The following TIAM2 variants were observed in gnomAD, a reference collection of about 807,000 sequenced individuals.
TIAM2 encodes the protein TIAM Rac1 associated GEF 2.
TIAM2 carries 80 observed loss-of-function variants against 152.9 expected under a neutral mutation model. That is an observed-to-expected ratio of 0.52 (90% CI 0.44 to 0.63). TIAM2 has a LOEUF of 0.63. Among genes scored for constraint, TIAM2 ranks in the 30% least tolerant of loss-of-function variants. The pLI is 0.00. For missense variants in TIAM2, 1,965 were observed against 2,120.1 expected (o/e 0.93, Z 1.44); for synonymous variants, 804 against 838.0 (o/e 0.96, Z 0.70).
At position 155,129,339 on chromosome 6, in the gene TIAM2, A is replaced by G; in HGVS notation, c.116A>G (p.Glu39Gly). The change falls in exon 4 of 27, where the codon GAG becomes GGG. Residue 39 changes from glutamate to glycine, a missense_variant. Physicochemically the swap from Glu to Gly is moderately conservative, Grantham distance 98. Coordinates refer to ENST00000682666, the MANE Select transcript of TIAM2 (RefSeq NM_012454.4). This position sits in a 1 kb window ranked among gnomAD's most constrained non-coding sequence, Gnocchi z 4.8. ...SLKIRGIHAKEEKSLHGWGHG... is the reference protein window; with the variant it reads ...SLKIRGIHAKGEKSLHGWGHG... ...AAAATACGTGGCATTCATGCAAAAG[A>G]GGAAAAGTCATTGCATGGATGGGGT... is the stretch of plus-strand genomic sequence containing the variant. 3 of 1,614,188 alleles carry G rather than the reference A, an allele frequency of 1.9e-6. No individual in the cohort carries two copies. Among genetic ancestry groups the G allele is most frequent in the African/African-American group, 1.3e-5 (1 of 75,032 alleles).
rs1051070120 is a variant in TIAM2 at position 155,156,552 on chromosome 6, G to A, written c.2029-7863G>A. Among the ~76,000 whole-genome samples the A allele has an allele frequency of 1.3e-4, 20 of 152,242 alleles. No homozygotes were observed. The East Asian group carries it at 3.9e-3, about 29-fold the overall frequency. ...GCATACCTGTAATCCCAGCTACTCG[G>A]GAGGCTGAGGCAGGAGAATCGCTTG... On this transcript the variant is annotated intron_variant, in intron 7 of 26. Transcript: ENST00000682666. The surrounding 1 kb of genome is among the most constrained non-coding windows in gnomAD (Gnocchi z 4.4).
At chr6:155,082,381 T>C (rs1778081586) in intron 1 of TIAM2, among the ~76,000 whole-genome samples, 1 of 151,948 alleles carries the variant, frequency 6.6e-6, no homozygotes, top group Non-Finnish European at 1.5e-5. Context: ...CCAGGCACTG[T>C]GGCTCACGCC....
intron 1 of TIAM2, among the ~76,000 whole-genome samples, chr6:155,068,470 C>T (rs934529999): frequency 1.3e-5 from 2 of 151,932 alleles, no homozygotes; most frequent in African/African-American, 4.8e-5. Flanking sequence ...AGAGTCTCCT[C>T]TGTTGCCCAG....
Position 155,148,186 on chromosome 6 carries a change from A to G in TIAM2, c.1880A>G (p.His627Arg), listed in dbSNP as rs776123482. ...TGTGCATCCCTTTTTGCAAAGAAGC[A>G]TGGGAAAGAGGACACGCTGCGGCTG... is the stretch of plus-strand genomic sequence containing the variant. Reference protein sequence around the residue: ...SACASLFAKKHGKEDTLRLLK... With the variant: ...SACASLFAKKRGKEDTLRLLK... The change falls in exon 7 of 27, where the codon CAT (histidine) becomes CGT (arginine). Residue 627 changes from histidine (H) to arginine (R), a missense_variant. By Grantham distance (29) the His-to-Arg change is conservative. This residue lies in a region of TIAM2 where 1,025 missense variants were observed against 1,119.4 expected (regional missense o/e 0.92). Coordinates refer to ENST00000682666, the MANE Select transcript of TIAM2 (RefSeq NM_012454.4). 2 of 1,613,476 alleles carry G rather than the reference A, an allele frequency of 1.2e-6. No homozygotes were observed. The highest frequency in any genetic ancestry group is 1.3e-5 in the African/African-American group (1 of 74,888).
At chr6:155,198,434 G>A (rs1025491868) in intron 14 of TIAM2, among the ~76,000 whole-genome samples, 6 of 152,056 alleles carry the variant, frequency 3.9e-5, no homozygotes, top group East Asian at 1.9e-4. Context: ...AAGCCGAGGC[G>A]GGTGGATCAC....
At chr6:155,074,029 G>A (rs1415344575) in intron 1 of TIAM2, among the ~76,000 whole-genome samples, 1 of 152,146 alleles carries the variant, frequency 6.6e-6, no homozygotes, top group Non-Finnish European at 1.5e-5. Context: ...CCAAGATACT[G>A]ATTTGTGATC....
At chr6:155,041,932 T>A (rs940287998) in intron 1 of TIAM2, among the ~76,000 whole-genome samples, 2 of 152,144 alleles carry the variant, frequency 1.3e-5, no homozygotes, top group African/African-American at 4.8e-5. Context: ...GTTGAAACAG[T>A]TTTGTATTGG....
In TIAM2 at chr6:155,075,059, G is replaced by T. The variant is rs140206963; in HGVS notation, c.-208-15230G>T. ...GCTCTGGACCAGGGTGGCAGGGTGT[G>T]GTACAGGGCCAGAGGGCAGTGGGCA... On this transcript the variant is annotated intron_variant, in intron 1 of 26. Coordinates refer to ENST00000682666, the MANE Select transcript of TIAM2 (RefSeq NM_012454.4). Among the ~76,000 whole-genome samples the T allele has an allele frequency of 1.1e-4, 16 of 152,050 alleles. 1 individual carries two copies. In the South Asian group the frequency reaches 1.7e-3, roughly 16 times the overall value.
At position 155,159,679 on chromosome 6, in the gene TIAM2, T is replaced by A. The variant is rs560875996; in HGVS notation, c.2029-4736T>A. On this transcript the variant is annotated intron_variant, in intron 7 of 26. Coordinates refer to ENST00000682666, the MANE Select transcript of TIAM2 (RefSeq NM_012454.4). ...CTTCTTCCCTCTAAGGAACCCGAGC[T>A]TCTGAATCAGGGGCCTCACCGTACT... Among the ~76,000 whole-genome samples, 14 of 152,224 alleles carry A rather than the reference T, an allele frequency of 9.2e-5. 1 individual carries two copies. Among genetic ancestry groups the A allele is most frequent in the East Asian group, 3.9e-4 (2 of 5,182 alleles).
At chr6:155,071,098 G>A (rs1436665167) in intron 1 of TIAM2, among the ~76,000 whole-genome samples, 1 of 152,080 alleles carries the variant, frequency 6.6e-6, no homozygotes, top group African/African-American at 2.4e-5. Context: ...GCTCGTGCCC[G>A]AGAGGCAGAG....
At chr6:155,212,462 G>A (rs577559644) in intron 15 of TIAM2, among the ~76,000 whole-genome samples, 3 of 152,224 alleles carry the variant, frequency 2.0e-5, no homozygotes, top group East Asian at 1.9e-4. Context: ...AGTTTTAATC[G>A]ATTTTGAAAT....
At chr6:155,124,108 C>T (rs1367011783) in intron 2 of TIAM2, among the ~76,000 whole-genome samples, 1 of 152,154 alleles carries the variant, frequency 6.6e-6, no homozygotes, top group Admixed American at 6.6e-5. Context: ...CAACCTCTGC[C>T]TCCCGATTCA....
chr6:155,143,261 T>C (rs1278553494), intron 5 of TIAM2, among the ~76,000 whole-genome samples: 1 of 152,236 alleles, frequency 6.6e-6, no homozygotes, highest in East Asian at 1.9e-4. Context: ...TTTAGAAGCA[T>C]TAGTTTGCTT....
At chr6:155,198,257 A>C (rs1474581046) in intron 14 of TIAM2, among the ~76,000 whole-genome samples, 2 of 152,230 alleles carry the variant, frequency 1.3e-5, no homozygotes, top group African/African-American at 4.8e-5. Context: ...CCTTGAAAAC[A>C]GGGACTTTGA....
intron 1 of TIAM2, among the ~76,000 whole-genome samples, chr6:155,073,891 T>C (rs1777897844): frequency 6.6e-6 from 1 of 152,174 alleles, no homozygotes; most frequent in Non-Finnish European, 1.5e-5. Flanking sequence ...ATGAAAGATC[T>C]TTCAGACATT....
chr6:155,240,818 G>A (rs1782995864), intron 16 of TIAM2, 109 bp downstream of exon 16: 2 of 1,117,252 alleles, frequency 1.8e-6, no homozygotes, highest in Non-Finnish European at 2.5e-6. Context: ...CCACTCCCCA[G>A]GGGGGGACAC....
chr6:155,129,678 C>G lies in TIAM2; in HGVS notation c.455C>G (p.Pro152Arg). 6.2e-7 allele frequency: 1 copy of G among 1,614,114 alleles called. No homozygotes were observed. The highest frequency in any genetic ancestry group is 8.5e-7 in the Non-Finnish European group (1 of 1,180,036). The change falls in exon 4 of 27, where the codon CCG becomes CGG. Residue 152 changes from proline (P) to arginine (R), a missense_variant. Transcript: ENST00000682666. The surrounding 1 kb of genome is among the most constrained non-coding windows in gnomAD (Gnocchi z 4.8). ...AATGAGAGCATTGCCTCCACCCCAC[C>G]GGGCGAAGACCGCAAGAGCCCCCGA... ...GRNESIASTP[P>R]GEDRKSPRVL...
At chr6:155,091,924 G>T (rs908029016) in intron 2 of TIAM2, among the ~76,000 whole-genome samples, 3 of 152,144 alleles carry the variant, frequency 2.0e-5, no homozygotes, top group Admixed American at 6.5e-5. Context: ...TTGAGACAGC[G>T]ACGCGCTCTG....
chr6:155,032,757 T>C (rs1583161203), intron 1 of TIAM2, among the ~76,000 whole-genome samples: 1 of 152,166 alleles, frequency 6.6e-6, no homozygotes, highest in South Asian at 2.1e-4. Context: ...GCCAGGCTGG[T>C]CTTGAACTCC....
Sources: gnomAD v4.1 joint callset for allele counts (sites outside exome capture counted in the v4.1 genomes callset) on GRCh38, gnomAD v4.1.1 for gene constraint, gnomAD v4.1.1 regional missense constraint, Gnocchi (gnomAD v3.1) non-coding constraint, MANE v1.5 for transcripts, NCBI Gene and HGNC (gene_info 2026-07-23, HGNC 2026-07-21) for gene names.